The following PDE4D variants were observed in gnomAD, a reference collection of about 807,000 sequenced individuals.
PDE4D encodes phosphodiesterase 4D.
PDE4D carries 24 observed loss-of-function variants against 87.4 expected under a neutral mutation model. The observed-to-expected ratio is 0.27, with a 90% CI of 0.20 to 0.39. PDE4D has a LOEUF of 0.39. Among genes scored for constraint, PDE4D ranks in the 10% least tolerant of loss-of-function variants. The pLI, the probability that PDE4D is intolerant of heterozygous loss-of-function variation, is 1.00. For synonymous variants in PDE4D, 384 were observed against 383.2 expected (o/e 1.00, Z -0.02); for missense variants, 714 against 1,041.0 (o/e 0.69, Z 4.32).
chr5:59,304,519 G>T (rs559363536), intron 1 of PDE4D, among the ~76,000 whole-genome samples: 2 of 152,020 alleles, frequency 1.3e-5, no homozygotes, highest in African/African-American at 4.8e-5. Context: ...TCAGTATTAC[G>T]TTGGCTGTGG....
chr5:60,501,796 T>A (rs1182222557), intron 1 of PDE4D, among the ~76,000 whole-genome samples: 1 of 152,252 alleles, frequency 6.6e-6, no homozygotes, highest in Non-Finnish European at 1.5e-5. Flanking sequence ...GGCATAAATG[T>A]CTTCTTTTGA....
chr5:59,674,861 C>G (rs1243857991), intron 1 of PDE4D, among the ~76,000 whole-genome samples: 1 of 152,190 alleles, frequency 6.6e-6, no homozygotes, highest in Non-Finnish European at 1.5e-5. Flanking sequence ...CACTTGGCCA[C>G]AATGCATAGT....
chr5:59,528,845 T>G (rs1813634300), intron 1 of PDE4D: 2 of 279,916 alleles, frequency 7.1e-6, no homozygotes, highest in Non-Finnish European at 1.4e-5. Flanking sequence ...CAGGCAGTTG[T>G]GTGCTGGGTC....
At chr5:59,612,118 C>T (rs1377010315) in intron 1 of PDE4D, among the ~76,000 whole-genome samples, 1 of 152,144 alleles carries the variant, frequency 6.6e-6, no homozygotes, top group African/African-American at 2.4e-5. Context: ...TCATGAAGGA[C>T]CTTTGGTTTG....
chr5:59,121,975 C>A (rs1774583732), intron 5 of PDE4D, among the ~76,000 whole-genome samples: 1 of 151,886 alleles, frequency 6.6e-6, no homozygotes, highest in East Asian at 1.9e-4. Flanking sequence ...AACCCCATCT[C>A]TTCTTAAAAT....
At chr5:60,066,508 G>A (rs933959427) in intron 2 of PDE4D, among the ~76,000 whole-genome samples, 9 of 151,704 alleles carry the variant, frequency 5.9e-5, no homozygotes, top group African/African-American at 1.5e-4. Flanking sequence ...ATCAATTTGG[G>A]GTCTAGAATT....
At chr5:59,263,515 A>C (rs1762369557) in intron 1 of PDE4D, among the ~76,000 whole-genome samples, 1 of 152,002 alleles carries the variant, frequency 6.6e-6, no homozygotes, top group Non-Finnish European at 1.5e-5. Flanking sequence ...TTATTGTAAA[A>C]TGACAACAGT....
chr5:60,387,462 G>A (rs6886423), intron 1 of PDE4D, among the ~76,000 whole-genome samples: 15,443 of 152,106 alleles, frequency 0.1, 1,556 homozygotes, highest in African/African-American at 0.26. Context: ...CAATCTTTGC[G>A]TGTTACCATT....
At chr5:59,933,791 T>TATATATATATATATATATATA (rs1554116652) in intron 3 of PDE4D, among the ~76,000 whole-genome samples, 8 of 101,552 alleles carry the variant, frequency 7.9e-5, no homozygotes, top group African/African-American at 3.6e-4. Context: ...TATATATATA[T>TATATATATATATATATATATA]TAATAAGCAT....
At chr5:59,086,767 C>A (rs780224482) in intron 5 of PDE4D, among the ~76,000 whole-genome samples, 2 of 152,112 alleles carry the variant, frequency 1.3e-5, no homozygotes, top group Non-Finnish European at 2.9e-5. Context: ...ATTCTTGAGT[C>A]CTCCCTCTCT....
At chr5:59,699,204 G>A (rs950558684) in intron 1 of PDE4D, among the ~76,000 whole-genome samples, 1 of 152,122 alleles carries the variant, frequency 6.6e-6, no homozygotes, top group African/African-American at 2.4e-5. Flanking sequence ...GGAACACACA[G>A]AAGCAGGTAT....
At chr5:59,050,699 AC>A (rs1761422786) in intron 5 of PDE4D, among the ~76,000 whole-genome samples, 1 of 152,154 alleles carries the variant, frequency 6.6e-6, no homozygotes, top group African/African-American at 2.4e-5. Flanking sequence ...AAGAGCATGG[AC>A]TTTTGAGTCA....
chr5:59,992,642 A>G (rs1378730039), intron 2 of PDE4D, among the ~76,000 whole-genome samples: 5 of 152,312 alleles, frequency 3.3e-5, no homozygotes, highest in African/African-American at 1.2e-4. Context: ...AATGCTTTAT[A>G]TAACTGAGGT....
chr5:59,322,477 C>T (rs1774886957), intron 1 of PDE4D, among the ~76,000 whole-genome samples: 1 of 152,064 alleles, frequency 6.6e-6, no homozygotes, highest in Non-Finnish European at 1.5e-5. Context: ...GGAGGTCACA[C>T]AAATGGAGGT....
At chr5:59,473,989 T>G (rs1438718032) in intron 1 of PDE4D, among the ~76,000 whole-genome samples, 1 of 152,172 alleles carries the variant, frequency 6.6e-6, no homozygotes, top group Non-Finnish European at 1.5e-5. Context: ...CAAACCAGAA[T>G]GTACTCTGGG....
intron 6 of PDE4D, among the ~76,000 whole-genome samples, chr5:59,030,946 C>G (rs1020367283): frequency 6.6e-6 from 1 of 152,072 alleles, no homozygotes. Flanking sequence ...ATCCCATCAC[C>G]TAGGCACTAA....
At chr5:59,953,020 C>T (rs887449897) in intron 3 of PDE4D, among the ~76,000 whole-genome samples, 1 of 152,138 alleles carries the variant, frequency 6.6e-6, no homozygotes, top group African/African-American at 2.4e-5. Flanking sequence ...ACTAATACAT[C>T]CCCTTAAAAA....
chr5:60,057,992 C>A (rs1770966709), intron 2 of PDE4D, among the ~76,000 whole-genome samples: 1 of 151,940 alleles, frequency 6.6e-6, no homozygotes, highest in East Asian at 1.9e-4. Context: ...TCTAAATCTT[C>A]TGCTTTGTAG....
At chr5:59,004,183 T>G (rs1580226893) in intron 6 of PDE4D, among the ~76,000 whole-genome samples, 1 of 151,024 alleles carries the variant, frequency 6.6e-6, no homozygotes, top group Admixed American at 6.6e-5. Context: ...AAAGGAGAAA[T>G]GAGTAATTTC....
Sources: gnomAD v4.1 joint callset for allele counts (sites outside exome capture counted in the v4.1 genomes callset) on GRCh38, gnomAD v4.1.1 for gene constraint, MANE v1.5 for transcripts, NCBI Gene and HGNC (gene_info 2026-07-23, HGNC 2026-07-21) for gene names.